Variants in NUBP1 observed in about 807,000 individuals in gnomAD.
NUBP1 encodes NUBP iron-sulfur cluster assembly factor 1, cytosolic.
In NUBP1, 46 loss-of-function variants were observed where a neutral mutation model predicts 41.8. The ratio of observed to expected loss-of-function variants is 1.10; its 90% CI spans 0.87 to 1.41. The LOEUF is 1.41. Among genes scored for constraint, NUBP1 ranks in the 40% most tolerant of loss-of-function variants. NUBP1 has a pLI of 0.00. For synonymous variants in NUBP1, 189 were observed against 154.6 expected, an observed-to-expected ratio of 1.22 and a Z score of -1.65; for missense variants, 494 against 414.0, an observed-to-expected ratio of 1.19 and a Z score of -1.68.
chr16:10,755,849 G>C, intron 5 of NUBP1, 96 bp downstream of exon 5: 1 of 1,186,402 alleles, frequency 8.4e-7, no homozygotes, highest in Non-Finnish European at 1.2e-6. Flanking sequence ...ATTTATTAGG[G>C]TACTTTTCGA....
rs2031123221 is a variant in NUBP1, at chr16:10,767,834, G to A, written c.821-115G>A. 1 of 950,202 alleles carries A rather than the reference G, an allele frequency of 1.1e-6. No individual in the cohort carries two copies. The highest frequency in any genetic ancestry group is 1.9e-5 in the Admixed American group (1 of 52,332). The allele number at this position is 950,202 out of a possible 1,614,324, so 58.9% of individuals were successfully genotyped here. A position where few individuals can be genotyped will look rare whatever the true frequency, so the allele number is the denominator to read the frequency against. ...TTTTCTACTTTGTTCTTCATTACGA[G>A]TGAAGCGGGCTCAAGATCTTCCCAT... On this transcript the variant is annotated intron_variant, in intron 9 of 10. Transcript: ENST00000283027. This position sits in a 1 kb window ranked among gnomAD's most constrained non-coding sequence, Gnocchi z 4.6.
In NUBP1 at chr16:10,768,111, C is replaced by A. The variant is rs1045218690; in HGVS notation, c.904+79C>A. ...TAAAGGAGCCAGGGGTGTGGAAGGA[C>A]AGGTGGGTGGTGGGGTCTGTGATGA... On this transcript the variant is annotated intron_variant, in intron 10 of 10. Coordinates refer to ENST00000283027, the MANE Select transcript of NUBP1 (RefSeq NM_002484.4). This position sits in a 1 kb window ranked among gnomAD's most constrained non-coding sequence, Gnocchi z 4.3. The A allele has an allele frequency of 7.2e-7, 1 of 1,385,920 alleles. No individual in the cohort carries two copies. The highest frequency in any genetic ancestry group is 1.4e-5 in the African/African-American group (1 of 70,346). 85.9% of individuals were successfully genotyped at this position (1,385,920 alleles called of 1,614,324 possible).
intron 3 of NUBP1, among the ~76,000 whole-genome samples, chr16:10,748,814 G>A (rs1458250749): frequency 6.6e-6 from 1 of 152,128 alleles, no homozygotes; most frequent in Non-Finnish European, 1.5e-5. Context: ...TGTTGGGCAG[G>A]GCATGGTGGC....
At position 10,768,817 on chromosome 16, in the gene NUBP1, C is replaced by T; in HGVS notation, c.905-230C>T. 2.3e-6 allele frequency: 1 copy of T among 443,382 alleles called. No individual in the cohort carries two copies. Among genetic ancestry groups the T allele is most frequent in the Non-Finnish European group, 4.0e-6 (1 of 250,676 alleles). 27.5% of individuals were successfully genotyped at this position (443,382 alleles called of 1,614,324 possible). A position where few individuals can be genotyped will look rare whatever the true frequency, so the allele number is the denominator to read the frequency against. On this transcript the variant is annotated intron_variant, in intron 10 of 10. Coordinates refer to ENST00000283027, the MANE Select transcript of NUBP1 (RefSeq NM_002484.4). This position sits in a 1 kb window ranked among gnomAD's most constrained non-coding sequence, Gnocchi z 4.3. ...AGGAAACAGCATTCCCAGAATCCTC[C>T]ATCTATAGATGGTCCGAGGAAGGCC...
Position 10,749,624 on chromosome 16 carries a change from C to T in NUBP1, c.258+2348C>T, listed in dbSNP as rs1900227770. Among the ~76,000 whole-genome samples, 3 of 152,212 alleles carry T rather than the reference C, an allele frequency of 2.0e-5. No individual in the cohort carries two copies. In the South Asian group the frequency reaches 6.2e-4, roughly 32 times the overall value. ...CATCACTATCTGCAAAGTGTCAACA[C>T]ATGGAAAATGCTGAATATGTCTTGA... On this transcript the variant is annotated intron_variant, in intron 3 of 10. Coordinates refer to ENST00000283027, the MANE Select transcript of NUBP1 (RefSeq NM_002484.4). This position sits in a 1 kb window ranked among gnomAD's most constrained non-coding sequence, Gnocchi z 4.1.
chr16:10,758,906 AG>A (rs1900753980), intron 7 of NUBP1, among the ~76,000 whole-genome samples: 1 of 152,248 alleles, frequency 6.6e-6, no homozygotes, highest in African/African-American at 2.4e-5. Flanking sequence ...GGAGAGCGAT[AG>A]GAAGTTTCCT....
intron 3 of NUBP1, among the ~76,000 whole-genome samples, chr16:10,750,353 T>G (rs192879560): frequency 1.7e-3 from 258 of 152,360 alleles, no homozygotes; most frequent in African/African-American, 5.8e-3. Context: ...CAAGCAGTTC[T>G]GCCTCAGCCT....
chr16:10,747,385 G>A (rs1361438413), intron 3 of NUBP1, 109 bp downstream of exon 3: 6 of 1,449,452 alleles, frequency 4.1e-6, no homozygotes, highest in Non-Finnish European at 5.6e-6. Context: ...TGTAATCCCA[G>A]CACTTTGGGA....
At chr16:10,750,423 G>A (rs1448277368) in intron 3 of NUBP1, among the ~76,000 whole-genome samples, 2 of 151,856 alleles carry the variant, frequency 1.3e-5, no homozygotes, top group Non-Finnish European at 2.9e-5. Context: ...TGTATTTTTA[G>A]TAGAGACAGG....
In NUBP1 at chr16:10,759,113, C is replaced by G. The variant is rs988731432; in HGVS notation, c.606+1086C>G. On this transcript the variant is annotated intron_variant, in intron 7 of 10. Coordinates refer to ENST00000283027, the MANE Select transcript of NUBP1 (RefSeq NM_002484.4). The surrounding 1 kb of genome is among the most constrained non-coding windows in gnomAD (Gnocchi z 4.7). ...ACTGGCCAGAATCAGTCAGGACGAC[C>G]CATAGTCTCACCTCATCCAGCACTC... Among the ~76,000 whole-genome samples the G allele has an allele frequency of 6.6e-6, 1 of 152,226 alleles. No homozygotes were observed. The highest frequency in any genetic ancestry group is 2.4e-5 in the African/African-American group (1 of 41,456).
rs1246794142 is a variant in NUBP1, at chr16:10,765,503, G to T, written c.821-2446G>T. Among the ~76,000 whole-genome samples the T allele has an allele frequency of 2.0e-5, 3 of 151,972 alleles. No homozygotes were observed. The highest frequency in any genetic ancestry group is 2.1e-4 in the South Asian group (1 of 4,830). On this transcript the variant is annotated intron_variant, in intron 9 of 10. Coordinates refer to ENST00000283027, the MANE Select transcript of NUBP1 (RefSeq NM_002484.4). The surrounding 1 kb of genome is among the most constrained non-coding windows in gnomAD (Gnocchi z 4.0). ...AGCCTGGGCGACAGAGCAAGAACCT[G>T]TCTCAAAAAAAAATTTAAAAATGGC...
In NUBP1 at chr16:10,747,200, C is replaced by CTGGGAAAGGCGGTGT; in HGVS notation, c.190_204dup (p.Gly64_Lys68dup). 1 of 1,614,206 alleles carries CTGGGAAAGGCGGTGT rather than the reference C, an allele frequency of 6.2e-7. No individual in the cohort carries two copies. The highest frequency in any genetic ancestry group is 8.5e-7 in the Non-Finnish European group (1 of 1,180,042). On this transcript the variant is annotated inframe_insertion, in exon 3 of 11. Transcript: ENST00000283027. ...GTAAAACACAAAATCTTGGTATTGT[C>CTGGGAAAGGCGGTGT]TGGGAAAGGCGGTGTTGGGAAAAGC...
chr16:10,768,109 G>A lies in NUBP1; in HGVS notation c.904+77G>A. Reference sequence around the variant, plus strand: ...CATAAAGGAGCCAGGGGTGTGGAAGGACAGGTGGGTGGTGGGGTCTGTGAT... The same window carrying A: ...CATAAAGGAGCCAGGGGTGTGGAAGAACAGGTGGGTGGTGGGGTCTGTGAT... On this transcript the variant is annotated intron_variant, in intron 10 of 10. Transcript: ENST00000283027. The surrounding 1 kb of genome is among the most constrained non-coding windows in gnomAD (Gnocchi z 4.3). 2.9e-6 allele frequency: 4 copies of A among 1,399,424 alleles called. No homozygotes were observed. Among genetic ancestry groups the A allele is most frequent in the South Asian group, 1.2e-5 (1 of 86,674 alleles). The allele number at this position is 1,399,424 out of a possible 1,614,324, so 86.7% of individuals were successfully genotyped here.
In NUBP1 at chr16:10,768,923, T is replaced by C; in HGVS notation, c.905-124T>C. On this transcript the variant is annotated intron_variant, in intron 10 of 10. Coordinates refer to ENST00000283027, the MANE Select transcript of NUBP1 (RefSeq NM_002484.4). This position sits in a 1 kb window ranked among gnomAD's most constrained non-coding sequence, Gnocchi z 4.3. ...AGACTCAGGGCATCACAGACACAGG[T>C]CTTTTTATGGAACTAGCCAGAGGAT... The C allele has an allele frequency of 1.3e-6, 1 of 780,050 alleles. No individual in the cohort carries two copies. The highest frequency in any genetic ancestry group is 1.7e-5 in the African/African-American group (1 of 57,238). 48.3% of individuals were successfully genotyped at this position (780,050 alleles called of 1,614,324 possible).
intron 3 of NUBP1, among the ~76,000 whole-genome samples, chr16:10,752,394 C>T (rs1900359633): frequency 6.6e-6 from 1 of 152,128 alleles, no homozygotes; most frequent in Non-Finnish European, 1.5e-5. Flanking sequence ...AGGAGCTCAG[C>T]CAGGCTGAGG....
Position 10,757,553 on chromosome 16 carries a change from G to T in NUBP1, c.452-320G>T, listed in dbSNP as rs894091383. 2.5e-4 allele frequency among the ~76,000 whole-genome samples: 38 copies of T among 152,194 alleles called. 3 individuals are homozygous for T. On this transcript the variant is annotated intron_variant, in intron 6 of 10. Transcript: ENST00000283027. This position sits in a 1 kb window ranked among gnomAD's most constrained non-coding sequence, Gnocchi z 4.1. Reference sequence around the variant, plus strand: ...CCTGGCCTTTACCCACAAGATGCCAGTAGCACCCCCTACTCTATTTGTGAC... The same window carrying T: ...CCTGGCCTTTACCCACAAGATGCCATTAGCACCCCCTACTCTATTTGTGAC...
chr16:10,749,051 A>C lies in NUBP1; in HGVS notation c.258+1775A>C, dbSNP rs1022984664. On this transcript the variant is annotated intron_variant, in intron 3 of 10. Coordinates refer to ENST00000283027, the MANE Select transcript of NUBP1 (RefSeq NM_002484.4). The surrounding 1 kb of genome is among the most constrained non-coding windows in gnomAD (Gnocchi z 4.1). ...GGTCGCGGTGGGCCAAGATTGCCCT[A>C]CTGCACTCCAGCCTGGGTGACAGAC... Among the ~76,000 whole-genome samples, 1 of 151,366 alleles carries C rather than the reference A, an allele frequency of 6.6e-6. No homozygotes were observed. The highest frequency in any genetic ancestry group is 2.4e-5 in the African/African-American group (1 of 41,122).
In NUBP1 at chr16:10,766,895, C is replaced by G. The variant is rs918612855; in HGVS notation, c.821-1054C>G. The stretch of plus-strand genomic sequence containing the variant: ...GGAGAGGACATTTCCTGTTATGGCT[C>G]AAGTGCGAATTGGCCTTATGTTCCC... On this transcript the variant is annotated intron_variant, in intron 9 of 10. Coordinates refer to ENST00000283027, the MANE Select transcript of NUBP1 (RefSeq NM_002484.4). The surrounding 1 kb of genome is among the most constrained non-coding windows in gnomAD (Gnocchi z 4.8). 8 of 398,472 alleles carry G rather than the reference C, an allele frequency of 2.0e-5. No homozygotes were observed. Among genetic ancestry groups the G allele is most frequent in the African/African-American group, 4.1e-5 (2 of 48,622 alleles). 24.7% of individuals were successfully genotyped at this position (398,472 alleles called of 1,614,324 possible).
At chr16:10,748,915 C>T (rs1050050695) in intron 3 of NUBP1, among the ~76,000 whole-genome samples, 1 of 151,882 alleles carries the variant, frequency 6.6e-6, no homozygotes, top group Non-Finnish European at 1.5e-5. Flanking sequence ...CATGGTGAAA[C>T]CCTGTCTCCA....
Sources: allele counts gnomAD v4.1 joint callset (sites outside exome capture counted in the v4.1 genomes callset), GRCh38; gene constraint gnomAD v4.1.1; non-coding constraint Gnocchi (gnomAD v3.1); transcripts MANE v1.5; gene names NCBI Gene and HGNC (gene_info 2026-07-23, HGNC 2026-07-21).